BCL9: variants seen among roughly 807,000 people sequenced by gnomAD.
The protein encoded by BCL9 is BCL9 transcription coactivator.
A neutral mutation model predicts 88.5 loss-of-function variants in BCL9; 25 were observed. The observed-to-expected ratio is 0.28, with a 90% CI of 0.21 to 0.39. BCL9 has a LOEUF of 0.39. BCL9 is among the 10% of genes least tolerant of loss of function. BCL9 has a pLI of 1.00. For synonymous variants in BCL9, 711 were observed against 673.3 expected (o/e 1.06, Z -0.87); for missense variants, 1,817 against 1,877.8 (o/e 0.97, Z 0.60).
In BCL9 at chr1:147,620,857, C is replaced by G. The variant is rs1658598801; in HGVS notation, c.2702C>G (p.Ala901Gly). Residue 901 changes from alanine to glycine, a missense_variant, in exon 8 of 10, where the codon GCT becomes GGT. This residue lies in a region of BCL9 where 1,228 missense variants were observed against 1,191.6 expected (regional missense o/e 1.03). Coordinates refer to ENST00000234739, the MANE Select transcript of BCL9 (RefSeq NM_004326.4). ...GCAGGCATGCTGGCGGGCCCAGCTG[C>G]TGCTGCTTCCATTAAGTCCCCCCCT... is the stretch of plus-strand genomic sequence containing the variant. ...QLAGMLAGPA[A>G]AASIKSPPVL... is the part of the protein sequence containing the mutation. 1 of 1,614,204 alleles carries G rather than the reference C, an allele frequency of 6.2e-7. No homozygotes were observed. Among genetic ancestry groups the G allele is most frequent in the Non-Finnish European group, 8.5e-7 (1 of 1,180,040 alleles).
intron 8 of BCL9, among the ~76,000 whole-genome samples, chr1:147,621,771 T>C (rs1404204930): frequency 6.6e-6 from 1 of 152,156 alleles, no homozygotes; most frequent in Admixed American, 6.5e-5. Context: ...ACTGAAGCAG[T>C]ACAGTGGAAC....
At chr1:147,548,945 C>T (rs1398062499) in intron 1 of BCL9, among the ~76,000 whole-genome samples, 8 of 148,790 alleles carry the variant, frequency 5.4e-5, no homozygotes, top group South Asian at 4.2e-4. Flanking sequence ...TAAAGCATTT[C>T]GTATACTCTC....
intron 4 of BCL9, 138 bp from the exon 5 acceptor site, chr1:147,612,745 A>G (rs1020315569): frequency 3.0e-5 from 24 of 812,012 alleles, no homozygotes; most frequent in African/African-American, 1.9e-4. Flanking sequence ...GGAGCAAGCA[A>G]ATGGCTGAGG....
intron 1 of BCL9, among the ~76,000 whole-genome samples, chr1:147,544,247 C>A (rs890555250): frequency 6.6e-6 from 1 of 152,142 alleles, no homozygotes; most frequent in Non-Finnish European, 1.5e-5. Flanking sequence ...CATAGAGTTG[C>A]ATAAGTTATT....
chr1:147,599,484 C>T (rs1239182668), intron 1 of BCL9, among the ~76,000 whole-genome samples: 3 of 131,336 alleles, frequency 2.3e-5, no homozygotes, highest in African/African-American at 1.2e-4. Context: ...CGCGCCTTTC[C>T]TGGCCCCCCG....
At chr1:147,541,900 T>G (rs1432255596) in intron 1 of BCL9, among the ~76,000 whole-genome samples, 17 of 86,674 alleles carry the variant, frequency 2.0e-4, no homozygotes, top group Admixed American at 5.5e-4. Flanking sequence ...GGAGAAGGGG[T>G]GGATGGAGAG....
At chr1:147,552,406 G>A (rs1307856283) in intron 1 of BCL9, among the ~76,000 whole-genome samples, 3 of 151,892 alleles carry the variant, frequency 2.0e-5, no homozygotes, top group African/African-American at 4.8e-5. Flanking sequence ...TCAGGAGTTC[G>A]AGACCACCCT....
rs1658590860 is a variant in BCL9 at position 147,620,807 on chromosome 1, G to A, written c.2652G>A (p.Lys884=). The A allele has an allele frequency of 1.2e-6, 2 of 1,614,130 alleles. No individual in the cohort carries two copies. Among genetic ancestry groups the A allele is most frequent in the Non-Finnish European group, 1.7e-6 (2 of 1,180,038 alleles). The change falls in exon 8 of 10, where the codon AAG becomes AAA. Residue 884 remains lysine, a synonymous_variant. Coordinates refer to ENST00000234739, the MANE Select transcript of BCL9 (RefSeq NM_004326.4). ...PMLGSPSGNL[K]SPQTPSQLAG... The stretch of plus-strand genomic sequence containing the variant: ...TGGGCTCGCCCTCGGGGAACCTCAA[G>A]TCCCCCCAGACTCCATCGCAGCTGG...
At chr1:147,550,834 G>A (rs1354634183) in intron 1 of BCL9, among the ~76,000 whole-genome samples, 1 of 152,040 alleles carries the variant, frequency 6.6e-6, no homozygotes, top group Non-Finnish European at 1.5e-5. Context: ...TGTAAAATAG[G>A]GATAATAATT....
At chr1:147,586,778 T>C (rs1415871346) in intron 1 of BCL9, among the ~76,000 whole-genome samples, 3 of 152,122 alleles carry the variant, frequency 2.0e-5, no homozygotes, top group Non-Finnish European at 4.4e-5. Flanking sequence ...CCTGTAGAAA[T>C]TTTTCTCATG....
At position 147,624,235 on chromosome 1, in the gene BCL9, G is replaced by A. The variant is rs782807861; in HGVS notation, c.3557G>A (p.Ser1186Asn). The part of the protein sequence containing the change: ...PLGRPSNLPQ[S>N]SADAALCKPG... ...GGCCGCCCCAGCAACCTGCCCCAAAGTTCAGCAGATGCAGCACTTTGCAAG... is the reference window on the plus strand; with the variant it reads ...GGCCGCCCCAGCAACCTGCCCCAAAATTCAGCAGATGCAGCACTTTGCAAG... Residue 1186 changes from serine to asparagine, a missense_variant, in exon 10 of 10, where the codon AGT (serine) becomes AAT (asparagine). Physicochemically the swap from Ser to Asn is conservative, Grantham distance 46. This residue lies in a region of BCL9 where 589 missense variants were observed against 686.2 expected (regional missense o/e 0.86). Transcript: ENST00000234739. The surrounding 1 kb of genome is among the most constrained non-coding windows in gnomAD (Gnocchi z 4.4). 4.3e-6 allele frequency: 7 copies of A among 1,613,630 alleles called. No homozygotes were observed. The South Asian group carries it at 7.7e-5, about 18-fold the overall frequency.
rs587700791 is a variant in BCL9 at position 147,564,680 on chromosome 1, C to G, written c.-478+23006C>G. ...CAACTGTAAGGTACTATTATCATTG[C>G]CTGCATTACAAAACGAGGGTCTATC... is the stretch of plus-strand genomic sequence containing the variant. On this transcript the variant is annotated intron_variant, in intron 1 of 9. Coordinates refer to ENST00000234739, the MANE Select transcript of BCL9 (RefSeq NM_004326.4). Among the ~76,000 whole-genome samples, 3 of 152,190 alleles carry G rather than the reference C, an allele frequency of 2.0e-5. No individual in the cohort carries two copies. In the South Asian group the frequency reaches 6.2e-4, roughly 32 times the overall value.
chr1:147,564,456 T>G (rs587626080), intron 1 of BCL9, among the ~76,000 whole-genome samples: 1 of 152,252 alleles, frequency 6.6e-6, no homozygotes, highest in East Asian at 1.9e-4. Flanking sequence ...TGAAAGGAAC[T>G]GGAAAAATAA....
Position 147,625,766 on chromosome 1 carries a change from G to GC in BCL9, c.*813dup, listed in dbSNP as rs1475108180. On this transcript the variant is annotated 3_prime_UTR_variant, in exon 10 of 10. Coordinates refer to ENST00000234739, the MANE Select transcript of BCL9 (RefSeq NM_004326.4). ...TCAGTTAAGTGTTTCCTTCCTTTGT[G>GC]CCCCCCGCTGGTGACCCTCTGCTTC... The GC allele has an allele frequency of 1.3e-4, 30 of 232,724 alleles. No individual in the cohort carries two copies. Among genetic ancestry groups the GC allele is most frequent in the South Asian group, 1.8e-4 (1 of 5,506 alleles). 14.4% of individuals were successfully genotyped at this position (232,724 alleles called of 1,614,324 possible).
chr1:147,579,561 G>T (rs1656270347), intron 1 of BCL9, among the ~76,000 whole-genome samples: 1 of 152,180 alleles, frequency 6.6e-6, no homozygotes, highest in South Asian at 2.1e-4. Flanking sequence ...TGCTATCCTG[G>T]ACTTAGACAT....
chr1:147,619,663 A>G lies in BCL9; in HGVS notation c.1508A>G (p.His503Arg). Residue 503 changes from histidine to arginine, a missense_variant, in exon 8 of 10, where the codon CAT becomes CGT. By Grantham distance (29) the His-to-Arg change is conservative (BLOSUM62 0). Around this residue, in one of 2 missense-constraint regions of BCL9, gnomAD observed 1,228 missense variants for 1,191.6 expected, o/e 1.03. Coordinates refer to ENST00000234739, the MANE Select transcript of BCL9 (RefSeq NM_004326.4). This position sits in a 1 kb window ranked among gnomAD's most constrained non-coding sequence, Gnocchi z 4.1. ...TGTTCCCTCCAGGACATGATGGTCC[A>G]TCAGCACGGGCCTCGGGGAGTGGTC... ...QQCSLQDMMV[H>R]QHGPRGVVRG... The G allele has an allele frequency of 6.2e-7, 1 of 1,614,132 alleles. No individual in the cohort carries two copies. The highest frequency in any genetic ancestry group is 8.5e-7 in the Non-Finnish European group (1 of 1,180,016).
At chr1:147,598,431 C>A (rs1338314923) in intron 1 of BCL9, among the ~76,000 whole-genome samples, 3 of 152,162 alleles carry the variant, frequency 2.0e-5, no homozygotes, top group African/African-American at 7.2e-5. Context: ...TGGTAACTTA[C>A]GTTGACCAGT....
chr1:147,619,041 A>T lies in BCL9; in HGVS notation c.886A>T (p.Thr296Ser). The change falls in exon 8 of 10, where the codon ACT becomes TCT. Residue 296 changes from threonine (T) to serine (S), a missense_variant. Physicochemically the swap from Thr to Ser is moderately conservative, Grantham distance 58. Coordinates refer to ENST00000234739, the MANE Select transcript of BCL9 (RefSeq NM_004326.4). This position sits in a 1 kb window ranked among gnomAD's most constrained non-coding sequence, Gnocchi z 4.1. Reference protein sequence around the residue: ...IPSVGSPASSTPLPPDGTGPN... With the variant: ...IPSVGSPASSSPLPPDGTGPN... ...TTCTGTAGGAAGTCCTGCCAGCTCC[A>T]CTCCACTGCCCCCAGATGGTACTGG... The T allele has an allele frequency of 6.2e-7, 1 of 1,609,852 alleles. No individual in the cohort carries two copies. Among genetic ancestry groups the T allele is most frequent in the Non-Finnish European group, 8.5e-7 (1 of 1,177,826 alleles).
At position 147,556,442 on chromosome 1, in the gene BCL9, ATTATTTTTATTT is replaced by A. The variant is rs587653044; in HGVS notation, c.-478+14783_-478+14794del. 2.2e-3 allele frequency among the ~76,000 whole-genome samples: 332 copies of A among 150,654 alleles called. 3 individuals are homozygous for A. Among genetic ancestry groups the A allele is most frequent in the African/African-American group, 7.7e-3 (315 of 41,020 alleles). ...CCCAGCCTCATTTATTTATTTATTT[ATTATTTTTATTT>A]TTATTTTTATTTTTTGAGACAGAGT... On this transcript the variant is annotated intron_variant, in intron 1 of 9. Coordinates refer to ENST00000234739, the MANE Select transcript of BCL9 (RefSeq NM_004326.4).
Sources: gnomAD v4.1 joint callset for allele counts (sites outside exome capture counted in the v4.1 genomes callset) on GRCh38, gnomAD v4.1.1 for gene constraint, gnomAD v4.1.1 regional missense constraint, Gnocchi (gnomAD v3.1) non-coding constraint, MANE v1.5 for transcripts, NCBI Gene and HGNC (gene_info 2026-07-23, HGNC 2026-07-21) for gene names.